Variants in DMD observed in about 807,000 individuals in gnomAD.
The protein encoded by DMD is dystrophin.
A neutral mutation model predicts 330.1 loss-of-function variants in DMD; 63 were observed. The ratio of observed to expected loss-of-function variants is 0.19; its 90% CI spans 0.16 to 0.24. The LOEUF is 0.24. Among genes scored for constraint, DMD ranks in the 10% least tolerant of loss-of-function variants. The pLI is 1.00. For synonymous variants in DMD, 1,223 were observed against 959.8 expected (o/e 1.27, Z -5.07); for missense variants, 3,344 against 2,684.1 (o/e 1.25, Z -5.43).
At chrX:32,861,814 G>GGA (rs2082096283) in intron 2 of DMD, among the ~76,000 whole-genome samples, 2 of 111,558 alleles carry the variant, frequency 1.8e-5, no homozygotes, top group South Asian at 7.6e-4. Flanking sequence ...AGACAAAAGT[G>GGA]GAGAGTAGGG....
At chrX:32,652,450 T>A (rs1200173405) in intron 9 of DMD, among the ~76,000 whole-genome samples, 1 of 109,739 alleles carries the variant, frequency 9.1e-6, no homozygotes, top group Non-Finnish European at 1.9e-5. Context: ...TCCATGTCCC[T>A]ACAAAGGACA....
At position 32,517,991 on chromosome X, in the gene DMD, A is replaced by C. The variant is rs2046028342; in HGVS notation, c.2292+17T>G. ...GCACAAAATGAGTACAGATATAAAA[A>C]TTAATGCATAACCTACATTGACTTT... is the stretch of plus-strand genomic sequence containing the variant. On this transcript the variant is annotated intron_variant, in intron 18 of 78. Coordinates refer to ENST00000357033, the MANE Select transcript of DMD (RefSeq NM_004006.3). 1 of 1,208,171 alleles carries C rather than the reference A, an allele frequency of 8.3e-7. No homozygotes were observed. Among genetic ancestry groups the C allele is most frequent in the Non-Finnish European group, 1.1e-6 (1 of 893,529 alleles).
intron 1 of DMD, among the ~76,000 whole-genome samples, chrX:33,107,032 CG>C (rs1378821775): frequency 9.0e-6 from 1 of 111,559 alleles, no homozygotes; most frequent in East Asian, 2.8e-4. Flanking sequence ...AGTTTAAGGC[CG>C]GGTGCAGTGA....
intron 6 of DMD, among the ~76,000 whole-genome samples, chrX:32,813,203 G>T (rs939124928): frequency 5.4e-5 from 6 of 111,461 alleles, no homozygotes; most frequent in African/African-American, 2.0e-4. Flanking sequence ...AAAATGAATT[G>T]AATTCTTTTA....
At chrX:31,698,249 T>G (rs1434271317) in intron 52 of DMD, among the ~76,000 whole-genome samples, 1 of 111,561 alleles carries the variant, frequency 9.0e-6, no homozygotes, top group Non-Finnish European at 1.9e-5. Context: ...TGACTAACTG[T>G]GGGCAACTCT....
At chrX:31,269,584 C>A (rs1397047576) in intron 62 of DMD, among the ~76,000 whole-genome samples, 1 of 111,983 alleles carries the variant, frequency 8.9e-6, no homozygotes, top group East Asian at 2.8e-4. Context: ...GCTTCTTTTC[C>A]TGTGAGAAAG....
rs747461316 is a variant in DMD at position 31,889,005 on chromosome X, T to C, written c.6913-13632A>G. Among the ~76,000 whole-genome samples the C allele has an allele frequency of 4.5e-5, 5 of 112,348 alleles. No individual in the cohort carries two copies. In the South Asian group the frequency reaches 1.8e-3, roughly 41 times the overall value. On this transcript the variant is annotated intron_variant, in intron 47 of 78. Transcript: ENST00000357033. ...TATCTGATAACAGTGAAGTCCCCTG[T>C]GTCAAATCACAGTGTATGTTAGTTT... is the stretch of plus-strand genomic sequence containing the variant.
At chrX:31,915,208 G>A (rs774398850) in intron 47 of DMD, among the ~76,000 whole-genome samples, 7 of 104,026 alleles carry the variant, frequency 6.7e-5, no homozygotes, top group Non-Finnish European at 1.4e-4. Context: ...GACTTTGACT[G>A]GTCTCTCTTG....
rs1393248045 is a variant in DMD at position 32,421,733 on chromosome X, C to G, written c.4072-9820G>C. ...TCGTCTATAGATGAAACCCATCGTG[C>G]TGGAATTATTTGGCATGGGAGAAGA... On this transcript the variant is annotated intron_variant, in intron 29 of 78. Transcript: ENST00000357033. Among the ~76,000 whole-genome samples the G allele has an allele frequency of 3.6e-5, 4 of 111,852 alleles. No individual in the cohort carries two copies. The East Asian group carries it at 1.1e-3, about 31-fold the overall frequency.
At chrX:32,768,588 A>C (rs1395666479) in intron 7 of DMD, among the ~76,000 whole-genome samples, 1 of 111,904 alleles carries the variant, frequency 8.9e-6, no homozygotes, top group Non-Finnish European at 1.9e-5. Flanking sequence ...AGAATGTATC[A>C]TTTTTTTCTA....
chrX:33,086,564 G>A (rs2095009080), intron 1 of DMD, among the ~76,000 whole-genome samples: 1 of 109,889 alleles, frequency 9.1e-6, no homozygotes, highest in African/African-American at 3.3e-5. Flanking sequence ...AAAAGGTTTG[G>A]TATTTATTAT....
intron 44 of DMD, among the ~76,000 whole-genome samples, chrX:32,127,442 A>G (rs1419742289): frequency 9.0e-6 from 1 of 111,298 alleles, no homozygotes; most frequent in Non-Finnish European, 1.9e-5. Flanking sequence ...CCTAACTTCA[A>G]TAACTTCCAG....
chrX:31,177,100 A>G (rs185342905), intron 71 of DMD, among the ~76,000 whole-genome samples: 2 of 111,631 alleles, frequency 1.8e-5, no homozygotes. Context: ...TGAAATACCA[A>G]AAGTTTGTTA....
chrX:33,061,441 TG>T (rs1314705376), intron 1 of DMD, among the ~76,000 whole-genome samples: 5 of 111,724 alleles, frequency 4.5e-5, no homozygotes, highest in African/African-American at 1.6e-4. Context: ...ATACTGCAGG[TG>T]TAACTCCTGG....
At chrX:32,735,074 A>T (rs1379686757) in intron 7 of DMD, among the ~76,000 whole-genome samples, 1 of 110,662 alleles carries the variant, frequency 9.0e-6, no homozygotes, top group Admixed American at 9.6e-5. Context: ...AAGTCTCAGG[A>T]TACAAAATCA....
intron 17 of DMD, among the ~76,000 whole-genome samples, chrX:32,528,126 T>C (rs916081368): frequency 1.1e-4 from 12 of 111,365 alleles, no homozygotes; most frequent in Non-Finnish European, 1.9e-4. Flanking sequence ...CTGGCCACCA[T>C]GACGAAACCC....
At position 33,235,922 on chromosome X, in the gene DMD, T is replaced by TA. The variant is rs1569559007; in HGVS notation, c.7+103336_7+103337insT. On this transcript the variant is annotated intron_variant, in intron 1 of 17. Coordinates refer to the DMD transcript ENST00000288447. ...TATTATTATTATTATTATTATTTTT[T>TA]TTTTTTTTTATGAGACGGAATCTGG... Among the ~76,000 whole-genome samples, 138 of 104,888 alleles carry TA rather than the reference T, an allele frequency of 1.3e-3. 1 individual carries two copies. Among genetic ancestry groups the TA allele is most frequent in the South Asian group, 5.1e-3 (12 of 2,355 alleles). 91.1% of individuals were successfully genotyped at this position (104,888 alleles called of 115,157 possible). A position where few individuals can be genotyped will look rare whatever the true frequency, so the allele number is the denominator to read the frequency against.
intron 44 of DMD, among the ~76,000 whole-genome samples, chrX:32,196,355 A>G (rs1366352208): frequency 8.9e-6 from 1 of 112,322 alleles, no homozygotes; most frequent in Non-Finnish European, 1.9e-5. Context: ...ACCAGGCTCC[A>G]GATATAAGCC....
intron 2 of DMD, among the ~76,000 whole-genome samples, chrX:33,001,556 T>A (rs931135149): frequency 2.4e-5 from 2 of 84,280 alleles, no homozygotes; most frequent in African/African-American, 1.6e-4. Flanking sequence ...TCTCAGACAA[T>A]TTTTTCTTTT....
Sources: allele counts gnomAD v4.1 joint callset (sites outside exome capture counted in the v4.1 genomes callset), GRCh38; gene constraint gnomAD v4.1.1; transcripts MANE v1.5; gene names NCBI Gene and HGNC (gene_info 2026-07-23, HGNC 2026-07-21).